Variants in FAM114A1 observed in about 807,000 individuals in gnomAD.
FAM114A1 encodes protein NOXP20.
In FAM114A1, 62 loss-of-function variants were observed where a neutral mutation model predicts 64.3. The ratio of observed to expected loss-of-function variants is 0.96; its 90% CI spans 0.79 to 1.19. FAM114A1 has a LOEUF of 1.19. Among genes scored for constraint, FAM114A1 ranks in the 50% most tolerant of loss-of-function variants. FAM114A1 has a pLI of 0.00. For missense variants in FAM114A1, 645 were observed against 676.3 expected, an observed-to-expected ratio of 0.95 and a Z score of 0.51; for synonymous variants, 254 against 251.1, an observed-to-expected ratio of 1.01 and a Z score of -0.11.
chr4:38,910,407 C>G (rs909023983), intron 7 of FAM114A1, among the ~76,000 whole-genome samples: 2 of 152,212 alleles, frequency 1.3e-5, no homozygotes, highest in Non-Finnish European at 2.9e-5. Context: ...CACAGGAGCT[C>G]GTCCCAGGGG....
intron 3 of FAM114A1, among the ~76,000 whole-genome samples, chr4:38,886,508 TGTG>T (rs1715819553): frequency 6.6e-6 from 1 of 151,916 alleles, no homozygotes; most frequent in Non-Finnish European, 1.5e-5. Flanking sequence ...AGAAGAAAGA[TGTG>T]GAGCAGACAC....
rs939739350 is a variant in FAM114A1, at chr4:38,868,553, A to G, written c.-9+7A>G. ...CCCTCGCCTCTGCCATCCGGTGAGT[A>G]TTTCCAGGCACCTCAGACCAGGCGC... On this transcript the variant is annotated splice_region_variant and intron_variant, in intron 2 of 14. Transcript: ENST00000358869. 6.6e-6 allele frequency: 1 copy of G among 152,656 alleles called. No homozygotes were observed. Among genetic ancestry groups the G allele is most frequent in the Admixed American group, 6.5e-5 (1 of 15,284 alleles). 9.5% of individuals were successfully genotyped at this position (152,656 alleles called of 1,614,324 possible).
intron 2 of FAM114A1, among the ~76,000 whole-genome samples, chr4:38,876,598 A>T (rs139772137): frequency 1.3e-5 from 2 of 152,258 alleles, no homozygotes; most frequent in Non-Finnish European, 2.9e-5. Context: ...GAGCTCCAGG[A>T]AAGTTTAAAG....
chr4:38,893,852 C>T (rs1332201008), intron 4 of FAM114A1, among the ~76,000 whole-genome samples: 1 of 152,110 alleles, frequency 6.6e-6, no homozygotes, highest in Non-Finnish European at 1.5e-5. Flanking sequence ...GTAGATGGCG[C>T]TGACTTTACT....
chr4:38,880,005 G>A (rs745512003), intron 3 of FAM114A1, among the ~76,000 whole-genome samples: 15 of 151,956 alleles, frequency 9.9e-5, no homozygotes, highest in South Asian at 2.1e-4. Flanking sequence ...GGTCAAGGCT[G>A]CAGTGAGCCG....
intron 6 of FAM114A1, among the ~76,000 whole-genome samples, chr4:38,907,100 T>C (rs1232067148): frequency 6.6e-6 from 1 of 152,144 alleles, no homozygotes; most frequent in Non-Finnish European, 1.5e-5. Context: ...ACCCAGACCT[T>C]GGGGTCAGGA....
intron 9 of FAM114A1, among the ~76,000 whole-genome samples, chr4:38,925,107 C>T (rs1213775016): frequency 6.6e-6 from 1 of 152,156 alleles, no homozygotes; most frequent in Non-Finnish European, 1.5e-5. Flanking sequence ...TCTTTAAATA[C>T]ACATTCACAT....
Position 38,898,764 on chromosome 4 carries a change from C to T in FAM114A1, c.437-6758C>T, listed in dbSNP as rs147764316. 2.6e-5 allele frequency among the ~76,000 whole-genome samples: 4 copies of T among 152,054 alleles called. No individual in the cohort carries two copies. The South Asian group carries it at 8.3e-4, about 31-fold the overall frequency. On this transcript the variant is annotated intron_variant, in intron 4 of 14. Coordinates refer to ENST00000358869, the MANE Select transcript of FAM114A1 (RefSeq NM_138389.4). ...ATTCCAAAGGAAGGTTGATTGGCTC[C>T]CTTTTTGCTGCACTATAGTTCGCTT... is the stretch of plus-strand genomic sequence containing the variant.
intron 8 of FAM114A1, among the ~76,000 whole-genome samples, chr4:38,921,043 C>A (rs538565592): frequency 1.1e-4 from 16 of 152,194 alleles, no homozygotes; most frequent in Non-Finnish European, 1.5e-5. Flanking sequence ...TCAGTTATCC[C>A]GATGTGCTCA....
At chr4:38,905,162 A>AGAGGT (rs931221287) in intron 4 of FAM114A1, among the ~76,000 whole-genome samples, 1 of 152,066 alleles carries the variant, frequency 6.6e-6, no homozygotes, top group African/African-American at 2.4e-5. Context: ...TTTGGGAGGC[A>AGAGGT]GAGGTGAGCC....
chr4:38,894,135 C>G (rs1716674910), intron 4 of FAM114A1, among the ~76,000 whole-genome samples: 1 of 144,044 alleles, frequency 6.9e-6, no homozygotes, highest in Admixed American at 7.1e-5. Context: ...TGCACTCCAG[C>G]CTGGGCAATA....
rs1463345873 is a variant in FAM114A1, at chr4:38,929,384, G to C, written c.1161+51G>C. On this transcript the variant is annotated intron_variant, in intron 10 of 14. Transcript: ENST00000358869. The stretch of plus-strand genomic sequence containing the variant: ...CTGGTTAAAAAAAAACAGTGCAGGG[G>C]AGAGTCTCTGTTGTAAAGTTCCAGA... 5 of 1,348,006 alleles carry C rather than the reference G, an allele frequency of 3.7e-6. No individual in the cohort carries two copies. In the Admixed American group the frequency reaches 8.8e-5, roughly 24 times the overall value. 83.5% of individuals were successfully genotyped at this position (1,348,006 alleles called of 1,614,324 possible). A position where few individuals can be genotyped will look rare whatever the true frequency, so the allele number is the denominator to read the frequency against.
intron 4 of FAM114A1, among the ~76,000 whole-genome samples, chr4:38,901,912 C>G (rs1413029004): frequency 6.6e-6 from 1 of 152,212 alleles, no homozygotes; most frequent in African/African-American, 2.4e-5. Flanking sequence ...AGGTGATCTT[C>G]ACCTTGTTCT....
intron 4 of FAM114A1, among the ~76,000 whole-genome samples, chr4:38,903,910 G>A (rs1717746540): frequency 6.6e-6 from 1 of 152,146 alleles, no homozygotes; most frequent in African/African-American, 2.4e-5. Flanking sequence ...TTCTACATTT[G>A]TCAAATATCA....
rs568178347 is a variant in FAM114A1, at chr4:38,887,488, T to C, written c.349-4255T>C. Among the ~76,000 whole-genome samples the C allele has an allele frequency of 3.3e-5, 5 of 152,360 alleles. No individual in the cohort carries two copies. In the East Asian group the frequency reaches 9.6e-4, roughly 29 times the overall value. On this transcript the variant is annotated intron_variant, in intron 3 of 14. Coordinates refer to ENST00000358869, the MANE Select transcript of FAM114A1 (RefSeq NM_138389.4). ...AAGTACTTAATAATTGTTATAAAGC[T>C]ACTAAAATAAATTTACAGAGTTGAC...
chr4:38,932,910 G>A (rs941191248), intron 12 of FAM114A1, among the ~76,000 whole-genome samples: 1 of 149,410 alleles, frequency 6.7e-6, no homozygotes, highest in Non-Finnish European at 1.5e-5. Context: ...TTGGAGTACA[G>A]TGTCACGATC....
rs149681919 is a variant in FAM114A1, at chr4:38,921,597, T to G, written c.946-1173T>G. On this transcript the variant is annotated intron_variant, in intron 8 of 14. Coordinates refer to ENST00000358869, the MANE Select transcript of FAM114A1 (RefSeq NM_138389.4). ...ATTGTTAACTGTATACAGAGGATAG[T>G]TTCAAAAGAGGGGCTCTAAAGACAG... Among the ~76,000 whole-genome samples the G allele has an allele frequency of 5.2e-3, 790 of 152,196 alleles. 8 individuals are homozygous for G. Among genetic ancestry groups the G allele is most frequent in the African/African-American group, 0.018 (755 of 41,510 alleles).
chr4:38,922,676 C>A, intron 8 of FAM114A1, 94 bp from the exon 9 acceptor site: 2 of 1,467,138 alleles, frequency 1.4e-6, no homozygotes, highest in Non-Finnish European at 9.1e-7. Context: ...CACCATGAAT[C>A]ACTTTTGTCC....
In FAM114A1 at chr4:38,915,744, GGTGTGTGTGTGTGT is replaced by G. The variant is rs58018099; in HGVS notation, c.945+708_945+721del. On this transcript the variant is annotated intron_variant, in intron 8 of 14. Coordinates refer to ENST00000358869, the MANE Select transcript of FAM114A1 (RefSeq NM_138389.4). ...TTTTTTCCCTTAAAGCATCTATAGT[GGTGTGTGTGTGTGT>G]GTGTGTGTGTGTGTGTGTGTGTGTG... is the stretch of plus-strand genomic sequence containing the variant. 7.6e-4 allele frequency among the ~76,000 whole-genome samples: 106 copies of G among 139,210 alleles called. 2 individuals are homozygous for G. The highest frequency in any genetic ancestry group is 4.6e-3 in the East Asian group (22 of 4,766). 91.3% of individuals were successfully genotyped at this position (139,210 alleles called of 152,430 possible). A position where few individuals can be genotyped will look rare whatever the true frequency, so the allele number is the denominator to read the frequency against.
Sources: gnomAD v4.1 joint callset for allele counts (sites outside exome capture counted in the v4.1 genomes callset) on GRCh38, gnomAD v4.1.1 for gene constraint, MANE v1.5 for transcripts, NCBI Gene and HGNC (gene_info 2026-07-23, HGNC 2026-07-21) for gene names.